The following WDR64 variants were observed in gnomAD, a reference collection of about 807,000 sequenced individuals.
The protein encoded by WDR64 is WD repeat-containing protein 64.
In WDR64, 112 loss-of-function variants were observed where a neutral mutation model predicts 139.3. The observed-to-expected ratio is 0.80, with a 90% confidence interval of 0.69 to 0.94. WDR64 has a LOEUF of 0.94. Among genes scored for constraint, WDR64 ranks in the 40% least tolerant of loss-of-function variants. The probability of loss-of-function intolerance (pLI) is 0.00; values close to 1 mark genes in which losing one functional copy is unlikely to be tolerated. For synonymous variants in WDR64, 444 were observed against 437.7 expected, an observed-to-expected ratio of 1.01 and a Z score of -0.18; for missense variants, 1,206 against 1,293.1, an observed-to-expected ratio of 0.93 and a Z score of 1.03.
intron 12 of WDR64, among the ~76,000 whole-genome samples, chr1:241,741,936 A>G (rs61825849): frequency 0.15 from 22,696 of 152,192 alleles, 1,889 homozygotes; most frequent in African/African-American, 0.19. Context: ...ATATATCAAG[A>G]AGACAGAACT....
chr1:241,669,969 T>C (rs974451085), intron 2 of WDR64, among the ~76,000 whole-genome samples: 12 of 152,170 alleles, frequency 7.9e-5, no homozygotes. Flanking sequence ...GTATGCACAG[T>C]GAAATTTCAA....
chr1:241,768,706 A>C (rs1344470787), intron 16 of WDR64, among the ~76,000 whole-genome samples: 2 of 152,170 alleles, frequency 1.3e-5, no homozygotes, highest in African/African-American at 4.8e-5. Flanking sequence ...ATTTGCTATA[A>C]TGAATGTTAA....
chr1:241,683,137 T>G (rs578198312), intron 6 of WDR64, among the ~76,000 whole-genome samples: 2 of 152,206 alleles, frequency 1.3e-5, no homozygotes, highest in African/African-American at 2.4e-5. Context: ...CAGTTTAATG[T>G]CAACAGTCTG....
At chr1:241,680,168 C>T (rs1335365330) in intron 6 of WDR64, among the ~76,000 whole-genome samples, 2 of 152,114 alleles carry the variant, frequency 1.3e-5, no homozygotes, top group Non-Finnish European at 2.9e-5. Flanking sequence ...TTATATGGTG[C>T]AACGGGGACT....
intron 8 of WDR64, among the ~76,000 whole-genome samples, chr1:241,700,550 A>T (rs974330209): frequency 6.6e-6 from 1 of 152,206 alleles, no homozygotes. Flanking sequence ...GGCTGGGAGG[A>T]CAGTTTACAT....
intron 25 of WDR64, among the ~76,000 whole-genome samples, chr1:241,791,845 G>A (rs1048144664): frequency 1.2e-4 from 19 of 152,184 alleles, no homozygotes; most frequent in African/African-American, 4.6e-4. Flanking sequence ...AGAAAAGGAT[G>A]TGGACATCTT....
intron 6 of WDR64, among the ~76,000 whole-genome samples, chr1:241,682,337 T>C (rs2148107394): frequency 6.6e-6 from 1 of 152,352 alleles, no homozygotes; most frequent in African/African-American, 2.4e-5. Context: ...TTCATTCTCC[T>C]ACATGTGGCT....
intron 9 of WDR64, among the ~76,000 whole-genome samples, chr1:241,719,904 T>A (rs1263359454): frequency 6.6e-6 from 1 of 152,196 alleles, no homozygotes; most frequent in Non-Finnish European, 1.5e-5. Flanking sequence ...GATCAACCTA[T>A]CACCTGGATA....
chr1:241,744,479 T>G lies in WDR64; in HGVS notation c.1557T>G (p.Asp519Glu). The change falls in exon 13 of 28, where the codon GAT (aspartate) becomes GAG (glutamate). Residue 519 changes from aspartate to glutamate, a missense_variant. Coordinates refer to ENST00000437684, the MANE Select transcript of WDR64 (RefSeq NM_001367482.1). ...CTGAAGTGACTTCTGCAGCTGTCGATGAAAGTGGATTTCTTTTTGCCACAG... is the reference window on the plus strand; with the variant it reads ...CTGAAGTGACTTCTGCAGCTGTCGAGGAAAGTGGATTTCTTTTTGCCACAG... ...FNTEVTSAAV[D>E]ESGFLFATGA... The G allele has an allele frequency of 6.2e-7, 1 of 1,614,182 alleles. No individual in the cohort carries two copies.
At chr1:241,790,921 A>G (rs767610351) in intron 25 of WDR64, among the ~76,000 whole-genome samples, 1 of 152,082 alleles carries the variant, frequency 6.6e-6, no homozygotes, top group Admixed American at 6.6e-5. Context: ...ACCTGAGCTG[A>G]GTTTCTTTCT....
rs960647600 is a variant in WDR64 at position 241,683,635 on chromosome 1, G to C, written c.773G>C (p.Gly258Ala). ...TTCACAGTCAACAGTGATGACTTTG[G>C]AATAAAGCAGGCAAAATCCAAAAGA... ...NRFTVNSDDF[G>A]IKQAKSKRKL... The change falls in exon 7 of 28, where the codon GGA becomes GCA. Residue 258 changes from glycine to alanine, a missense_variant. Transcript: ENST00000437684. 7 of 1,551,294 alleles carry C rather than the reference G, an allele frequency of 4.5e-6. No homozygotes were observed. Among genetic ancestry groups the C allele is most frequent in the Non-Finnish European group, 5.2e-6 (6 of 1,146,884 alleles).
intron 8 of WDR64, among the ~76,000 whole-genome samples, chr1:241,690,468 C>T (rs76264225): frequency 7.4e-6 from 1 of 135,454 alleles, no homozygotes. Context: ...GAGACTCTGT[C>T]AAAAAAAAAA....
At chr1:241,674,254 T>TAC (rs1215909270) in intron 3 of WDR64, among the ~76,000 whole-genome samples, 1 of 92,354 alleles carries the variant, frequency 1.1e-5, no homozygotes, top group Non-Finnish European at 2.5e-5. Context: ...ATCTTTTTTT[T>TAC]TCTTTTCTTT....
At chr1:241,755,454 C>T (rs1353382773) in intron 14 of WDR64, among the ~76,000 whole-genome samples, 3 of 152,052 alleles carry the variant, frequency 2.0e-5, no homozygotes, top group Non-Finnish European at 4.4e-5. Flanking sequence ...TTTGTAGATT[C>T]TGCATATTAC....
intron 14 of WDR64, among the ~76,000 whole-genome samples, chr1:241,753,797 G>A (rs1352490253): frequency 2.6e-5 from 4 of 151,974 alleles, no homozygotes; most frequent in East Asian, 1.9e-4. Context: ...TAAAATAAAC[G>A]TAGCAAGAAC....
intron 13 of WDR64, among the ~76,000 whole-genome samples, chr1:241,746,758 G>GTT (rs1471078483): frequency 1.5e-5 from 2 of 134,662 alleles, no homozygotes; most frequent in African/African-American, 5.7e-5. Flanking sequence ...TTCCATTTCA[G>GTT]TTCTTTTTTT....
intron 9 of WDR64, among the ~76,000 whole-genome samples, chr1:241,715,115 T>A (rs907172133): frequency 4.6e-5 from 7 of 152,164 alleles, no homozygotes; most frequent in Non-Finnish European, 7.3e-5. Flanking sequence ...GGAAGGCATA[T>A]GGATAAGAAG....
chr1:241,761,936 C>A (rs1657921499), intron 15 of WDR64, among the ~76,000 whole-genome samples: 1 of 152,226 alleles, frequency 6.6e-6, no homozygotes. Flanking sequence ...CCACTGAAGT[C>A]TTGAACCCTT....
chr1:241,783,460 A>G (rs1335210327), intron 23 of WDR64, 79 bp downstream of exon 23: 8 of 1,059,000 alleles, frequency 7.6e-6, no homozygotes, highest in Non-Finnish European at 1.1e-5. Context: ...AAGTTGAAGT[A>G]TATAGTTCAA....
Sources: gnomAD v4.1 joint callset for allele counts (sites outside exome capture counted in the v4.1 genomes callset) on GRCh38, gnomAD v4.1.1 for gene constraint, MANE v1.5 for transcripts, NCBI Gene and HGNC (gene_info 2026-07-23, HGNC 2026-07-21) for gene names.